The following TAMM41 variants were observed in gnomAD, a reference collection of about 807,000 sequenced individuals.
TAMM41 encodes the protein TAM41 mitochondrial translocator assembly and maintenance homolog.
A neutral mutation model predicts 44.1 loss-of-function variants in TAMM41; 36 were observed. The observed-to-expected ratio is 0.82, with a 90% confidence interval of 0.63 to 1.08. The LOEUF (loss-of-function observed/expected upper bound fraction) is 1.08, where lower values mean the gene tolerates loss of function less well. Among genes scored for constraint, TAMM41 ranks in the 50% least tolerant of loss-of-function variants. The probability of loss-of-function intolerance (pLI) is 0.00; values close to 1 mark genes in which losing one functional copy is unlikely to be tolerated. For missense variants in TAMM41, 417 were observed against 404.3 expected (o/e 1.03, Z -0.27); for synonymous variants, 164 against 153.1 (o/e 1.07, Z -0.53).
the TAMM41 span, among the ~76,000 whole-genome samples, chr3:11,766,720 C>T: frequency 6.7e-6 from 1 of 149,906 alleles, no homozygotes. Context: ...GTGTGCACTA[C>T]TACATCTGGC....
chr3:11,819,129 T>G (rs548575138), intron 4 of TAMM41, among the ~76,000 whole-genome samples: 1 of 152,194 alleles, frequency 6.6e-6, no homozygotes, highest in African/African-American at 2.4e-5. Context: ...CACATATTGC[T>G]GTTGACTGCA....
At chr3:11,814,990 A>G (rs1360257408) in intron 5 of TAMM41, among the ~76,000 whole-genome samples, 2 of 152,178 alleles carry the variant, frequency 1.3e-5, no homozygotes, top group Non-Finnish European at 2.9e-5. Context: ...AAAGAAAGAA[A>G]GAAAGAGCCC....
chr3:11,752,664 G>T, the TAMM41 span, among the ~76,000 whole-genome samples: 19 of 78,958 alleles, frequency 2.4e-4, no homozygotes, highest in African/African-American at 7.2e-4. Context: ...TTGAGACAGG[G>T]TCTTGCTCTC....
At chr3:11,761,334 TC>T in the TAMM41 span, among the ~76,000 whole-genome samples, 1 of 152,086 alleles carries the variant, frequency 6.6e-6, no homozygotes, top group Admixed American at 6.6e-5. Flanking sequence ...AGGGCACTTT[TC>T]CCCTCTTGAT....
At chr3:11,726,063 T>G in the TAMM41 span, among the ~76,000 whole-genome samples, 1 of 152,210 alleles carries the variant, frequency 6.6e-6, no homozygotes, top group Non-Finnish European at 1.5e-5. Context: ...AAGGGGCAAA[T>G]AAGGGGAATA....
At chr3:11,724,613 G>T in the TAMM41 span, among the ~76,000 whole-genome samples, 1 of 151,374 alleles carries the variant, frequency 6.6e-6, no homozygotes, top group African/African-American at 2.4e-5. Context: ...ACGGGGTTTC[G>T]CCATGTTGAC....
At chr3:11,808,434 C>T in intron 6 of TAMM41, 1 of 914,092 alleles carries the variant, frequency 1.1e-6, no homozygotes, top group Non-Finnish European at 1.3e-6. Flanking sequence ...GAGCTGGTGA[C>T]CTAAACACAC....
chr3:11,784,510 C>T, the TAMM41 span, among the ~76,000 whole-genome samples: 1 of 152,040 alleles, frequency 6.6e-6, no homozygotes, highest in African/African-American at 2.4e-5. Context: ...ACAAAAGAAA[C>T]CAAAACCAAA....
chr3:11,773,956 G>C, the TAMM41 span, among the ~76,000 whole-genome samples: 1 of 152,178 alleles, frequency 6.6e-6, no homozygotes, highest in African/African-American at 2.4e-5. Flanking sequence ...GGGCATGGTG[G>C]TGCATGCCTG....
rs755118969 is a variant in TAMM41, at chr3:11,817,321, C to T, written c.579G>A (p.Val193=). Residue 193 remains valine (V), a synonymous_variant, in exon 5 of 8, where the codon GTG becomes GTA. Transcript: ENST00000455809. ...ACACTTTTGTTTTATCTTCTCCAACCACCATCCGAAAGTCACCTAGTTAAA... is the reference window on the plus strand; with the variant it reads ...ACACTTTTGTTTTATCTTCTCCAACTACCATCCGAAAGTCACCTAGTTAAA... The part of the protein sequence containing the change: ...GLSYSGDFRM[V]VGEDKTKVLN... 7 of 1,609,460 alleles carry T rather than the reference C, an allele frequency of 4.3e-6. No homozygotes were observed. In the East Asian group the frequency reaches 1.6e-4, roughly 36 times the overall value.
the TAMM41 span, among the ~76,000 whole-genome samples, chr3:11,751,386 C>T: frequency 2.0e-4 from 31 of 152,350 alleles, no homozygotes; most frequent in African/African-American, 7.5e-4. Context: ...ACCACCGCGC[C>T]TGGCCAAGAC....
At chr3:11,798,167 T>C (rs1316940485) in intron 7 of TAMM41, among the ~76,000 whole-genome samples, 1 of 152,156 alleles carries the variant, frequency 6.6e-6, no homozygotes, top group African/African-American at 2.4e-5. Context: ...CAAAGGAATA[T>C]AATTCATTAT....
At chr3:11,810,536 G>A (rs1251385591) in intron 5 of TAMM41, among the ~76,000 whole-genome samples, 1 of 152,142 alleles carries the variant, frequency 6.6e-6, no homozygotes, top group Non-Finnish European at 1.5e-5. Context: ...CCTGCCAAGT[G>A]CAGAACCAGT....
At chr3:11,833,825 A>G (rs953473082) in intron 3 of TAMM41, among the ~76,000 whole-genome samples, 1 of 152,216 alleles carries the variant, frequency 6.6e-6, no homozygotes, top group African/African-American at 2.4e-5. Flanking sequence ...TATCCACACA[A>G]AAAATTAATC....
the TAMM41 span, among the ~76,000 whole-genome samples, chr3:11,784,796 C>CT: frequency 0.021 from 2,257 of 108,934 alleles, 91 homozygotes; most frequent in African/African-American, 0.07. Context: ...CTTTTCTTTT[C>CT]TTTTTTTTTT....
At chr3:11,801,027 GGCTACAGTAAGC>G (rs140325059) in intron 7 of TAMM41, among the ~76,000 whole-genome samples, 1 of 151,378 alleles carries the variant, frequency 6.6e-6, no homozygotes, top group Non-Finnish European at 1.5e-5. Context: ...AGGAGGTCAA[GGCTACAGTAAGC>G]CATGATCACA....
intron 3 of TAMM41, among the ~76,000 whole-genome samples, chr3:11,837,656 G>A (rs999384535): frequency 6.6e-6 from 1 of 152,174 alleles, no homozygotes; most frequent in Non-Finnish European, 1.5e-5. Context: ...ACTACTTGGT[G>A]CATTCATTTA....
chr3:11,841,765 C>T (rs1575727725), intron 2 of TAMM41, among the ~76,000 whole-genome samples: 1 of 152,304 alleles, frequency 6.6e-6, no homozygotes, highest in East Asian at 1.9e-4. Flanking sequence ...GCAGAAAGCC[C>T]TTCTAGCTGC....
At chr3:11,763,573 G>A in the TAMM41 span, among the ~76,000 whole-genome samples, 12 of 152,282 alleles carry the variant, frequency 7.9e-5, no homozygotes, top group South Asian at 2.1e-4. Context: ...AACACATCTC[G>A]ACATGATGCA....
Sources: gnomAD v4.1 joint callset for allele counts (sites outside exome capture counted in the v4.1 genomes callset) on GRCh38, gnomAD v4.1.1 for gene constraint, MANE v1.5 for transcripts, NCBI Gene and HGNC (gene_info 2026-07-23, HGNC 2026-07-21) for gene names.